Variants in ZNF99 observed in about 807,000 individuals in gnomAD.
ZNF99 encodes the protein zinc finger protein 99.
Under a neutral mutation model 12.8 loss-of-function variants are expected in ZNF99, and 8 were observed. The observed-to-expected ratio is 0.62, with a 90% CI of 0.37 to 1.13. The LOEUF (loss-of-function observed/expected upper bound fraction) is 1.13. Ranked by LOEUF, ZNF99 falls within the 50% of genes most tolerant of loss-of-function variation. The probability of loss-of-function intolerance (pLI) is 0.02; values close to 1 mark genes in which losing one functional copy is unlikely to be tolerated. For synonymous variants in ZNF99, 318 were observed against 319.0 expected (o/e 1.00, Z 0.03); for missense variants, 1,007 against 1,006.2 (o/e 1.00, Z -0.01).
chr19:22,767,118 A>AT, intron 3 of ZNF99, among the ~76,000 whole-genome samples: 1 of 151,698 alleles, frequency 6.6e-6, no homozygotes. Context: ...AAAAAAAAAA[A>AT]AAAAAAAAAC....
At chr19:22,763,758 C>T (rs915690837) in intron 3 of ZNF99, among the ~76,000 whole-genome samples, 4 of 152,028 alleles carry the variant, frequency 2.6e-5, no homozygotes, top group Non-Finnish European at 5.9e-5. Flanking sequence ...ACAAAAACAG[C>T]ATGGTACTGG....
chr19:22,771,872 C>A (rs1235317523), intron 1 of ZNF99, among the ~76,000 whole-genome samples: 1 of 143,486 alleles, frequency 7.0e-6, no homozygotes, highest in Non-Finnish European at 1.5e-5. Context: ...CGTGTGCCAC[C>A]ACGCCCGGCT....
chr19:22,762,560 AAAG>A (rs1435856491), intron 3 of ZNF99, among the ~76,000 whole-genome samples: 1 of 152,186 alleles, frequency 6.6e-6, no homozygotes, highest in East Asian at 1.9e-4. Context: ...CCAGACATTC[AAAG>A]AAGAATTGAT....
chr19:22,755,550 T>A lies in ZNF99; in HGVS notation c.*1764A>T, dbSNP rs2145136872. 1.3e-5 allele frequency: 4 copies of A among 306,840 alleles called. No homozygotes were observed. The highest frequency in any genetic ancestry group is 8.4e-5 in the East Asian group (1 of 11,918). The allele number at this position is 306,840 out of a possible 1,614,324, so 19.0% of individuals were successfully genotyped here. A position where few individuals can be genotyped will look rare whatever the true frequency, so the allele number is the denominator to read the frequency against. On this transcript the variant is annotated 3_prime_UTR_variant, in exon 4 of 4. Coordinates refer to ENST00000596209, the MANE Select transcript of ZNF99 (RefSeq NM_001080409.3). ...TCACATTTGTAAAGTATCTCTCCAGTATGAATTATCTTATGTTCAGTAAGT... is the reference window on the plus strand; with the variant it reads ...TCACATTTGTAAAGTATCTCTCCAGAATGAATTATCTTATGTTCAGTAAGT...
intron 1 of ZNF99, among the ~76,000 whole-genome samples, chr19:22,778,315 C>T (rs1973351449): frequency 6.6e-6 from 1 of 152,008 alleles, no homozygotes; most frequent in South Asian, 2.1e-4. Flanking sequence ...CCCAGAGATC[C>T]ATTCCAGACC....
intron 1 of ZNF99, among the ~76,000 whole-genome samples, chr19:22,771,884 A>G (rs1599447435): frequency 1.6e-5 from 2 of 128,634 alleles, no homozygotes; most frequent in Admixed American, 8.3e-5. Context: ...CGCCCGGCTA[A>G]TTTTTGTATT....
chr19:22,756,872 G>C lies in ZNF99; in HGVS notation c.*442C>G, dbSNP rs1973068158. 7 of 1,611,236 alleles carry C rather than the reference G, an allele frequency of 4.3e-6. No individual in the cohort carries two copies. Among genetic ancestry groups the C allele is most frequent in the Non-Finnish European group, 5.9e-6 (7 of 1,178,814 alleles). ...AAGCTTTGCCACATTCTTCACATTT[G>C]TAGGGTTTCTCTACAGTATGAATTA... On this transcript the variant is annotated 3_prime_UTR_variant, in exon 4 of 4. Transcript: ENST00000596209.
intron 3 of ZNF99, among the ~76,000 whole-genome samples, chr19:22,764,119 G>C (rs929388140): frequency 2.0e-5 from 3 of 151,702 alleles, no homozygotes; most frequent in Non-Finnish European, 4.4e-5. Context: ...ACATTGGCCA[G>C]GCTGGTCTTG....
At chr19:22,771,811 G>A (rs1330577343) in intron 1 of ZNF99, among the ~76,000 whole-genome samples, 54 of 138,884 alleles carry the variant, frequency 3.9e-4, no homozygotes, top group East Asian at 1.5e-3. Flanking sequence ...TCTGCCTCCC[G>A]GGTTCAAGCG....
chr19:22,770,144 T>C (rs12980509), intron 1 of ZNF99, among the ~76,000 whole-genome samples: 64,598 of 152,050 alleles, frequency 0.42, 16,753 homozygotes, highest in African/African-American at 0.75. Flanking sequence ...TTTTGTTAAA[T>C]ATTCAGCAAG....
Position 22,754,379 on chromosome 19 carries a change from A to C in ZNF99, c.*2935T>G, listed in dbSNP as rs978716033. 8.8e-5 allele frequency: 37 copies of C among 422,270 alleles called. No homozygotes were observed. Among genetic ancestry groups the C allele is most frequent in the African/African-American group, 6.7e-4 (32 of 47,734 alleles). 26.2% of individuals were successfully genotyped at this position (422,270 alleles called of 1,614,324 possible). A position where few individuals can be genotyped will look rare whatever the true frequency, so the allele number is the denominator to read the frequency against. Reference sequence around the variant, plus strand: ...GAGACTCCATTTCAAAAAAAAAAAAAAAACTTTGCCACATTCTTCACATTT... The same window carrying C: ...GAGACTCCATTTCAAAAAAAAAAAACAAACTTTGCCACATTCTTCACATTT... On this transcript the variant is annotated 3_prime_UTR_variant, in exon 4 of 4. Transcript: ENST00000596209.
intron 1 of ZNF99, among the ~76,000 whole-genome samples, chr19:22,782,660 C>G (rs12982991): frequency 9.3e-6 from 1 of 107,994 alleles, no homozygotes; most frequent in African/African-American, 4.2e-5. Flanking sequence ...CCGCACCTGG[C>G]CTTTTTTTTT....
intron 1 of ZNF99, among the ~76,000 whole-genome samples, chr19:22,782,311 T>C (rs1379389806): frequency 6.6e-6 from 1 of 151,832 alleles, no homozygotes; most frequent in Non-Finnish European, 1.5e-5. Flanking sequence ...AATAATTAAG[T>C]GGCAGGCAAA....
At chr19:22,783,982 C>A (rs1360994525) in intron 1 of ZNF99, 32 bp downstream of exon 1, 1 of 1,613,818 alleles carries the variant, frequency 6.2e-7, no homozygotes, top group Admixed American at 1.7e-5. Context: ...AGCCCCTTCC[C>A]CTTCTCAGGA....
At chr19:22,771,874 C>G (rs12980150) in intron 1 of ZNF99, among the ~76,000 whole-genome samples, 3 of 12,866 alleles carry the variant, frequency 2.3e-4, no homozygotes, top group Non-Finnish European at 8.8e-4. Context: ...TGTGCCACCA[C>G]GCCCGGCTAA....
chr19:22,779,201 A>C lies in ZNF99; in HGVS notation c.3+4813T>G, dbSNP rs561060248. ...TCACATAGCCAGACACAGACTCTGC[A>C]CATTGTCTCCTTTTTCTCATTAAAA... On this transcript the variant is annotated intron_variant, in intron 1 of 3. Coordinates refer to ENST00000596209, the MANE Select transcript of ZNF99 (RefSeq NM_001080409.3). 1.8e-4 allele frequency among the ~76,000 whole-genome samples: 27 copies of C among 152,060 alleles called. 1 individual carries two copies. In the Middle Eastern group the frequency reaches 0.02, roughly 115 times the overall value.
In ZNF99 at chr19:22,775,699, A is replaced by G. The variant is rs184970892; in HGVS notation, c.4-6375T>C. 1.8e-4 allele frequency among the ~76,000 whole-genome samples: 27 copies of G among 152,374 alleles called. No individual in the cohort carries two copies. In the East Asian group the frequency reaches 4.8e-3, roughly 27 times the overall value. On this transcript the variant is annotated intron_variant, in intron 1 of 3. Transcript: ENST00000596209. ...GTATCTAGAATCCATAAAAAACTGA[A>G]GTTTACAAGAAACAAACAACCTCCT...
chr19:22,760,594 A>C (rs1325705158), intron 3 of ZNF99, among the ~76,000 whole-genome samples: 4 of 152,078 alleles, frequency 2.6e-5, no homozygotes, highest in Non-Finnish European at 4.4e-5. Context: ...AATACAAAAA[A>C]TTCGCCAGGT....
intron 1 of ZNF99, chr19:22,771,058 C>T (rs955818338): frequency 2.6e-5 from 4 of 151,682 alleles, no homozygotes; most frequent in African/African-American, 9.7e-5. Flanking sequence ...CCTGCCTCAG[C>T]CTCCCGAGTA....
Sources: allele counts gnomAD v4.1 joint callset (sites outside exome capture counted in the v4.1 genomes callset), GRCh38; gene constraint gnomAD v4.1.1; transcripts MANE v1.5; gene names NCBI Gene and HGNC (gene_info 2026-07-23, HGNC 2026-07-21).